The following HPS4 variants were observed in gnomAD, a reference collection of about 807,000 sequenced individuals.
HPS4 encodes the protein HPS4 biogenesis of lysosomal organelles complex 3 subunit 2, also known as BLOC-3 complex member HPS4.
In HPS4, 44 loss-of-function variants were observed where a neutral mutation model predicts 70.3. The observed-to-expected ratio is 0.63, with a 90% CI of 0.49 to 0.80. The LOEUF is 0.80. Ranked by LOEUF, HPS4 falls within the 30% of genes least tolerant of loss-of-function variation. The pLI is 0.00. For missense variants in HPS4, 873 were observed against 884.4 expected (o/e 0.99, Z 0.16); for synonymous variants, 377 against 355.9 (o/e 1.06, Z -0.67).
chr22:26,465,536 G>A lies in HPS4; in HGVS notation c.722C>T (p.Pro241Leu), dbSNP rs748181375. 19 of 1,613,668 alleles carry A rather than the reference G, an allele frequency of 1.2e-5. 1 individual carries two copies. Among genetic ancestry groups the A allele is most frequent in the East Asian group, 6.7e-5 (3 of 44,892 alleles). ...APQEHGAALP[P>L]NVQIIPVFVT... ...AAAAACAGGGATAATCTGGACATTCGGGGGCAATGCCGCTCCTGGAATTGC... is the reference window on the plus strand; with the variant it reads ...AAAAACAGGGATAATCTGGACATTCAGGGGCAATGCCGCTCCTGGAATTGC... The change falls in exon 10 of 14, where the codon CCG becomes CTG. Residue 241 changes from proline to leucine, a missense_variant. Coordinates refer to ENST00000398145, the MANE Select transcript of HPS4 (RefSeq NM_022081.6).
At chr22:26,443,363 T>C, downstream of HPS4, 1 of 614,616 alleles carries the variant, frequency 1.6e-6, no homozygotes, top group Non-Finnish European at 2.8e-6. Context: ...GGTCCCTCTT[T>C]CCCTTGGTTA....
intron 7 of HPS4, among the ~76,000 whole-genome samples, chr22:26,469,089 G>A (rs1042317318): frequency 2.6e-5 from 4 of 152,016 alleles, no homozygotes; most frequent in African/African-American, 9.7e-5. Context: ...ACATGTACCA[G>A]TGGGGACAAA....
At position 26,458,534 on chromosome 22, in the gene HPS4, A is replaced by G; in HGVS notation, c.1757T>C (p.Leu586Pro). The change falls in exon 12 of 14, where the codon CTG becomes CCG. Residue 586 changes from leucine (L) to proline (P), a missense_variant. Transcript: ENST00000398145. The stretch of plus-strand genomic sequence containing the variant: ...CTCATCCCTGGGCAGCGTCTCTTTC[A>G]GGTGGACTTCCAGCCCATTCAGTGA... ...LASLNGLEVH[L>P]KETLPRDEAA... is the part of the protein sequence containing the mutation. 1 of 1,614,124 alleles carries G rather than the reference A, an allele frequency of 6.2e-7. No homozygotes were observed. The highest frequency in any genetic ancestry group is 1.1e-5 in the South Asian group (1 of 91,078).
At chr22:26,468,786 T>C (rs995537989) in intron 7 of HPS4, among the ~76,000 whole-genome samples, 163 bp from the exon 8 acceptor site, 23 of 152,220 alleles carry the variant, frequency 1.5e-4, no homozygotes, top group African/African-American at 5.5e-4. Flanking sequence ...TGGCAGTTCC[T>C]ACCAACATTT....
At chr22:26,445,488 G>A (rs141239235) in intron 3 of HPS4, among the ~76,000 whole-genome samples, 58 of 152,322 alleles carry the variant, frequency 3.8e-4, no homozygotes, top group African/African-American at 1.3e-3. Context: ...GTGGGGACAA[G>A]AGCACATCTA....
At chr22:26,468,299 G>A (rs1033157036) in intron 8 of HPS4, 24 of 543,740 alleles carry the variant, frequency 4.4e-5, no homozygotes, top group Admixed American at 1.6e-4. Flanking sequence ...ATGGGAAGTC[G>A]AATTCAACCA....
intron 13 of HPS4, among the ~76,000 whole-genome samples, chr22:26,454,641 T>G (rs1410643325): frequency 1.3e-5 from 2 of 152,190 alleles, no homozygotes; most frequent in Non-Finnish European, 2.9e-5. Context: ...GAAGAAAACC[T>G]AGGCAATACC....
At chr22:26,454,211 G>A (rs1003237110) in intron 13 of HPS4, among the ~76,000 whole-genome samples, 2 of 152,182 alleles carry the variant, frequency 1.3e-5, no homozygotes, top group Admixed American at 6.5e-5. Context: ...CCTATTCCAA[G>A]CTTCAGTGTC....
intron 2 of HPS4, among the ~76,000 whole-genome samples, chr22:26,480,561 C>G (rs1027074392): frequency 2.0e-5 from 3 of 152,120 alleles, no homozygotes; most frequent in Non-Finnish European, 1.5e-5. Context: ...TGCTCTCTTC[C>G]CTGGATCTAT....
chr22:26,448,371 T>C (rs1327974942), downstream of HPS4, among the ~76,000 whole-genome samples: 1 of 152,222 alleles, frequency 6.6e-6, no homozygotes, highest in East Asian at 1.9e-4. Context: ...GTGGCAGAGC[T>C]GCGATTTGAA....
rs2090635438 is a variant in HPS4 at position 26,476,987 on chromosome 22, A to C, written c.276+6T>G. 1 of 1,613,982 alleles carries C rather than the reference A, an allele frequency of 6.2e-7. No homozygotes were observed. Among genetic ancestry groups the C allele is most frequent in the African/African-American group, 1.3e-5 (1 of 74,938 alleles). On this transcript the variant is annotated splice_donor_region_variant and intron_variant, in intron 4 of 13. Transcript: ENST00000398145. ...ACTTCAGCACTGATTCTGCCATTCA[A>C]CTTACCCAAAGGTAATCTCCATCAA...
chr22:26,465,394 C>G, intron 10 of HPS4, 61 bp downstream of exon 10: 1 of 1,222,208 alleles, frequency 8.2e-7, no homozygotes, highest in Admixed American at 1.7e-5. Flanking sequence ...GTTTTTTAAC[C>G]AATCACGCGA....
intron 6 of HPS4, 161 bp from the exon 7 acceptor site, chr22:26,470,974 T>G: frequency 2.1e-6 from 3 of 1,451,422 alleles, no homozygotes; most frequent in Non-Finnish European, 2.8e-6. Flanking sequence ...GGCTTGGGAC[T>G]ATTCTACCTC....
intron 13 of HPS4, 38 bp downstream of exon 13, chr22:26,457,821 G>T: frequency 6.7e-7 from 1 of 1,502,292 alleles, no homozygotes; most frequent in Non-Finnish European, 9.3e-7. Flanking sequence ...GAGCAGGACC[G>T]TGGAGAGTAG....
rs756021647 is a variant in HPS4, at chr22:26,481,711, T to C, written c.41+11A>G. Reference sequence around the variant, plus strand: ...AGCAAAAGCTATGCCATGGCAGGCCTTGTTACTCACCACGAGGCTGACTTT... The same window carrying C: ...AGCAAAAGCTATGCCATGGCAGGCCCTGTTACTCACCACGAGGCTGACTTT... On this transcript the variant is annotated intron_variant, in intron 2 of 13. Transcript: ENST00000398145. The C allele has an allele frequency of 3.1e-6, 5 of 1,613,924 alleles. No individual in the cohort carries two copies. The highest frequency in any genetic ancestry group is 4.2e-6 in the Non-Finnish European group (5 of 1,179,744).
Position 26,453,053 on chromosome 22 carries a change from T to TTG in HPS4, c.*179_*180insCA. 3.0e-6 allele frequency: 2 copies of TTG among 669,630 alleles called. No individual in the cohort carries two copies. The highest frequency in any genetic ancestry group is 5.1e-6 in the Non-Finnish European group (2 of 392,176). 41.5% of individuals were successfully genotyped at this position (669,630 alleles called of 1,614,324 possible). On this transcript the variant is annotated 3_prime_UTR_variant, in exon 14 of 14. Coordinates refer to ENST00000398145, the MANE Select transcript of HPS4 (RefSeq NM_022081.6). ...CTCTGGGTCTGCCGACCTGAAGAACTAACCCCTGCCCCCAAAACACATCCC... is the reference window on the plus strand; with the variant it reads ...CTCTGGGTCTGCCGACCTGAAGAACTTGAACCCCTGCCCCCAAAACACATCCC...
intron 9 of HPS4, chr22:26,465,891 A>ACG (rs1169576668): frequency 1.7e-6 from 1 of 588,984 alleles, no homozygotes; most frequent in Non-Finnish European, 3.0e-6. Context: ...TCTCCTGAGG[A>ACG]CGCCTCCACA....
rs1294896463 is a variant in HPS4, at chr22:26,452,423, C to CAAA, written c.*809_*810insTTT. ...ACCACTGAAAAGCACAGTGCTTTTA[C>CAAA]CCCCAGACATCTTGTAAACTCCTAT... On this transcript the variant is annotated 3_prime_UTR_variant, in exon 14 of 14. Transcript: ENST00000398145. The CAAA allele has an allele frequency of 2.2e-6, 1 of 451,566 alleles. No homozygotes were observed. The highest frequency in any genetic ancestry group is 6.9e-5 in the East Asian group (1 of 14,392). The allele number at this position is 451,566 out of a possible 1,614,324, so 28.0% of individuals were successfully genotyped here.
At position 26,464,536 on chromosome 22, in the gene HPS4, T is replaced by C. The variant is rs1174045350; in HGVS notation, c.1094A>G (p.Glu365Gly). 7 of 1,614,072 alleles carry C rather than the reference T, an allele frequency of 4.3e-6. No individual in the cohort carries two copies. The highest frequency in any genetic ancestry group is 5.9e-6 in the Non-Finnish European group (7 of 1,180,042). Residue 365 changes from glutamate to glycine, a missense_variant, in exon 11 of 14, where the codon GAA becomes GGA. Physicochemically the swap from Glu to Gly is moderately conservative, Grantham distance 98. Coordinates refer to ENST00000398145, the MANE Select transcript of HPS4 (RefSeq NM_022081.6). ...GTGGATTTCAGACAAGTCGAGTTCTTCTTGGAGAAAGACTAGTTCCTTCCC... is the reference window on the plus strand; with the variant it reads ...GTGGATTTCAGACAAGTCGAGTTCTCCTTGGAGAAAGACTAGTTCCTTCCC... ...SLGKELVFLQ[E>G]ELDLSEIHIP...
Sources: allele counts gnomAD v4.1 joint callset (sites outside exome capture counted in the v4.1 genomes callset), GRCh38; gene constraint gnomAD v4.1.1; transcripts MANE v1.5; gene names NCBI Gene and HGNC (gene_info 2026-07-23, HGNC 2026-07-21).